The following PCDH15 variants were observed in gnomAD, a reference collection of about 807,000 sequenced individuals.
The protein encoded by PCDH15 is protocadherin-15.
Under a neutral mutation model 178.5 loss-of-function variants are expected in PCDH15, and 129 were observed. The observed-to-expected ratio is 0.72, with a 90% confidence interval of 0.63 to 0.84. The LOEUF (loss-of-function observed/expected upper bound fraction) is 0.84, where lower values mean the gene tolerates loss of function less well. Ranked by LOEUF, PCDH15 falls within the 40% of genes least tolerant of loss-of-function variation. PCDH15 has a pLI of 0.00. For missense variants in PCDH15, 2,230 were observed against 2,099.9 expected, an observed-to-expected ratio of 1.06 and a Z score of -1.21; for synonymous variants, 800 against 732.0, an observed-to-expected ratio of 1.09 and a Z score of -1.50.
At chr10:54,559,601 GA>G (rs1251398520) in intron 2 of PCDH15, among the ~76,000 whole-genome samples, 1 of 151,866 alleles carries the variant, frequency 6.6e-6, no homozygotes, top group Non-Finnish European at 1.5e-5. Flanking sequence ...GTATATGATT[GA>G]ATTTTTTTTC....
intron 26 of PCDH15, among the ~76,000 whole-genome samples, chr10:53,888,300 A>ATACATATATACATATATATACG (rs1564690594): frequency 4.9e-5 from 4 of 82,020 alleles, no homozygotes; most frequent in African/African-American, 2.0e-4. Context: ...ACATATATAT[A>ATACATATATACATATATATACG]TATATATATG....
At chr10:54,870,507 C>A (rs999363815) in intron 3 of PCDH15, among the ~76,000 whole-genome samples, 1 of 152,002 alleles carries the variant, frequency 6.6e-6, no homozygotes, top group African/African-American at 2.4e-5. Context: ...ATAAAAAGAC[C>A]GGGCGCGGTG....
At chr10:55,306,488 T>TA (rs1050978904) in intron 1 of PCDH15, among the ~76,000 whole-genome samples, 1 of 152,066 alleles carries the variant, frequency 6.6e-6, no homozygotes, top group Non-Finnish European at 1.5e-5. Context: ...AGTATAGTGT[T>TA]AAAAAAATAT....
At chr10:55,565,603 C>T (rs142329123) in intron 2 of PCDH15, among the ~76,000 whole-genome samples, 29 of 151,468 alleles carry the variant, frequency 1.9e-4, no homozygotes, top group Admixed American at 7.9e-4. Flanking sequence ...TTTAGCTAGA[C>T]GGACTAAGAG....
At chr10:54,717,913 A>G (rs1207315169) in intron 1 of PCDH15, among the ~76,000 whole-genome samples, 6 of 145,224 alleles carry the variant, frequency 4.1e-5, no homozygotes, top group South Asian at 2.2e-4. Context: ...CATATACACC[A>G]TGGAATACTA....
At chr10:55,291,053 C>A (rs1842995536) in intron 1 of PCDH15, among the ~76,000 whole-genome samples, 2 of 152,062 alleles carry the variant, frequency 1.3e-5, no homozygotes, top group South Asian at 4.1e-4. Flanking sequence ...TTTATAATGA[C>A]ATTCTTATTA....
rs1426590195 is a variant in PCDH15, at chr10:53,905,356, T to G, written c.3374-1986A>C. The G allele has an allele frequency of 3.2e-5, 14 of 440,080 alleles. No homozygotes were observed. In the East Asian group the frequency reaches 7.6e-4, roughly 24 times the overall value. The allele number at this position is 440,080 out of a possible 1,614,324, so 27.3% of individuals were successfully genotyped here. A position where few individuals can be genotyped will look rare whatever the true frequency, so the allele number is the denominator to read the frequency against. On this transcript the variant is annotated intron_variant, in intron 25 of 37. Transcript: ENST00000644397. ...TTTTTCTTTTTCTTGTTTTTTGAGA[T>G]GGAGTCTCCCTCTGTCGCCCAGGCT...
intron 3 of PCDH15, among the ~76,000 whole-genome samples, chr10:54,833,065 G>A (rs1326629045): frequency 3.3e-5 from 5 of 152,066 alleles, no homozygotes; most frequent in Non-Finnish European, 1.5e-5. Context: ...CAATATACCA[G>A]GAACATCACG....
At chr10:55,156,561 G>A (rs971283268) in intron 2 of PCDH15, among the ~76,000 whole-genome samples, 13 of 152,038 alleles carry the variant, frequency 8.6e-5, no homozygotes, top group African/African-American at 3.1e-4. Flanking sequence ...TCTATCAGGA[G>A]TTAGAATCCA....
At chr10:53,906,263 T>A (rs1211750535) in intron 25 of PCDH15, among the ~76,000 whole-genome samples, 1 of 152,074 alleles carries the variant, frequency 6.6e-6, no homozygotes, top group Non-Finnish European at 1.5e-5. Context: ...CTTCCTTTTT[T>A]TTTGCTTCTC....
At chr10:55,274,240 T>C (rs1180356758) in intron 1 of PCDH15, among the ~76,000 whole-genome samples, 1 of 152,048 alleles carries the variant, frequency 6.6e-6, no homozygotes, top group Non-Finnish European at 1.5e-5. Context: ...CCCAGAGAGA[T>C]TCCACAAATA....
chr10:54,195,774 A>G lies in PCDH15; in HGVS notation c.1214T>C (p.Leu405Pro), dbSNP rs1385693034. The G allele has an allele frequency of 2.5e-6, 4 of 1,614,104 alleles. No homozygotes were observed. Among genetic ancestry groups the G allele is most frequent in the Non-Finnish European group, 8.5e-7 (1 of 1,179,970 alleles). The change falls in exon 11 of 38, where the codon CTG becomes CCG. Residue 405 changes from leucine to proline, a missense_variant. Physicochemically the swap from Leu to Pro is moderately conservative, Grantham distance 98. Coordinates refer to ENST00000644397, the MANE Select transcript of PCDH15 (RefSeq NM_001384140.1). ...FTMPSYQGYI[L>P]ESAPVGATIS... is the part of the protein sequence containing the mutation. ...GGTTGCTCCCACTGGGGCAGATTCC[A>G]GGATATAGCCTTGATAACTGGGCAT...
chr10:55,605,055 A>G (rs1176898177), intron 2 of PCDH15, among the ~76,000 whole-genome samples: 1 of 152,154 alleles, frequency 6.6e-6, no homozygotes, highest in South Asian at 2.1e-4. Flanking sequence ...AAAAAATGAT[A>G]AAGGGGATAT....
At chr10:54,160,400 A>G (rs1478160031) in intron 13 of PCDH15, among the ~76,000 whole-genome samples, 3 of 152,202 alleles carry the variant, frequency 2.0e-5, no homozygotes, top group Admixed American at 6.5e-5. Flanking sequence ...GATTTACCTC[A>G]CAGCATATGT....
At chr10:54,398,667 A>G (rs1951550058) in intron 3 of PCDH15, among the ~76,000 whole-genome samples, 1 of 152,010 alleles carries the variant, frequency 6.6e-6, no homozygotes, top group African/African-American at 2.4e-5. Context: ...ACCTGGAAAA[A>G]CAAAAAAAAC....
At chr10:55,206,000 G>A (rs540475327) in intron 1 of PCDH15, among the ~76,000 whole-genome samples, 4 of 152,040 alleles carry the variant, frequency 2.6e-5, no homozygotes, top group Admixed American at 6.5e-5. Flanking sequence ...CACGAGAACA[G>A]CATGAGAAAG....
chr10:54,395,184 G>A (rs1951046538), intron 3 of PCDH15, among the ~76,000 whole-genome samples: 2 of 152,082 alleles, frequency 1.3e-5, no homozygotes, highest in South Asian at 4.1e-4. Context: ...AGTGATAAGT[G>A]TCCATGAAAT....
intron 2 of PCDH15, among the ~76,000 whole-genome samples, chr10:55,344,611 G>A (rs1405001557): frequency 2.0e-5 from 3 of 152,082 alleles, no homozygotes; most frequent in East Asian, 1.9e-4. Flanking sequence ...GCTGTAAACT[G>A]AGGTGGGAAA....
At chr10:54,504,288 T>G (rs2080979171) in intron 3 of PCDH15, among the ~76,000 whole-genome samples, 1 of 152,140 alleles carries the variant, frequency 6.6e-6, no homozygotes, top group Non-Finnish European at 1.5e-5. Flanking sequence ...TACAACTATT[T>G]GCCAAGAACA....
Sources: allele counts gnomAD v4.1 joint callset (sites outside exome capture counted in the v4.1 genomes callset), GRCh38; gene constraint gnomAD v4.1.1; transcripts MANE v1.5; gene names NCBI Gene and HGNC (gene_info 2026-07-23, HGNC 2026-07-21).